Variants in GPATCH2 observed in about 807,000 individuals in gnomAD.
GPATCH2 encodes the protein G-patch domain containing 2, also known as G patch domain-containing protein 2.
A neutral mutation model predicts 58.0 loss-of-function variants in GPATCH2; 51 were observed. The ratio of observed to expected loss-of-function variants is 0.88; its 90% CI spans 0.70 to 1.11. The LOEUF (loss-of-function observed/expected upper bound fraction) is 1.11. Among genes scored for constraint, GPATCH2 ranks in the 50% most tolerant of loss-of-function variants. The probability of loss-of-function intolerance (pLI) is 0.00; values close to 1 mark genes in which losing one functional copy is unlikely to be tolerated. For missense variants in GPATCH2, 625 were observed against 652.2 expected, an observed-to-expected ratio of 0.96 and a Z score of 0.45; for synonymous variants, 222 against 218.5, an observed-to-expected ratio of 1.02 and a Z score of -0.14.
At chr1:217,585,777 C>T (rs1385390446) in intron 5 of GPATCH2, among the ~76,000 whole-genome samples, 1 of 152,098 alleles carries the variant, frequency 6.6e-6, no homozygotes, top group African/African-American at 2.4e-5. Flanking sequence ...CTGAGAAAGG[C>T]ATCGTTAGGC....
At chr1:217,585,019 T>C (rs934167249) in intron 5 of GPATCH2, among the ~76,000 whole-genome samples, 7 of 152,062 alleles carry the variant, frequency 4.6e-5, no homozygotes, top group African/African-American at 9.7e-5. Flanking sequence ...TATGTTAATA[T>C]AATGCATAAT....
At chr1:217,589,270 C>T (rs1434061724) in intron 5 of GPATCH2, among the ~76,000 whole-genome samples, 2 of 151,284 alleles carry the variant, frequency 1.3e-5, no homozygotes, top group Non-Finnish European at 2.9e-5. Context: ...CCCTTTTCTG[C>T]TTCATGCCAT....
At chr1:217,600,201 C>A (rs938744997) in intron 5 of GPATCH2, among the ~76,000 whole-genome samples, 1 of 152,132 alleles carries the variant, frequency 6.6e-6, no homozygotes, top group East Asian at 1.9e-4. Flanking sequence ...CCATTAAGTA[C>A]TGGTCAGTGT....
chr1:217,453,934 C>G (rs1165038109), intron 8 of GPATCH2, among the ~76,000 whole-genome samples: 2 of 152,146 alleles, frequency 1.3e-5, no homozygotes. Flanking sequence ...AACAGACAAA[C>G]AGACGTGACT....
intron 8 of GPATCH2, among the ~76,000 whole-genome samples, chr1:217,473,631 T>C (rs1247610060): frequency 6.6e-6 from 1 of 150,534 alleles, no homozygotes; most frequent in African/African-American, 2.4e-5. Context: ...CAGAAAACAC[T>C]GAAGAAATGG....
chr1:217,513,461 A>G lies in GPATCH2; in HGVS notation c.1166+1361T>C, dbSNP rs1662955917. 4.6e-5 allele frequency among the ~76,000 whole-genome samples: 7 copies of G among 152,278 alleles called. 1 individual carries two copies. In the South Asian group the frequency reaches 1.5e-3, roughly 32 times the overall value. ...GATTTTAAAAAATAGAAACTAATGG[A>G]TCCTAATATGATTGCTTGCCACAAA... On this transcript the variant is annotated intron_variant, in intron 6 of 9. Coordinates refer to ENST00000366935, the MANE Select transcript of GPATCH2 (RefSeq NM_018040.5).
intron 7 of GPATCH2, among the ~76,000 whole-genome samples, chr1:217,493,856 T>G (rs1661871216): frequency 6.6e-6 from 1 of 152,140 alleles, no homozygotes; most frequent in Non-Finnish European, 1.5e-5. Flanking sequence ...GTTAATTATG[T>G]TTTCTAATTC....
At chr1:217,603,376 T>C (rs895242722) in intron 5 of GPATCH2, among the ~76,000 whole-genome samples, 2 of 152,174 alleles carry the variant, frequency 1.3e-5, no homozygotes, top group African/African-American at 2.4e-5. Context: ...GAGAATATAA[T>C]ACACATTAAA....
Position 217,431,356 on chromosome 1 carries a change from C to T in GPATCH2, c.1376G>A (p.Gly459Asp). Residue 459 changes from glycine (G) to aspartate (D), a missense_variant, in exon 10 of 10, where the codon GGT (glycine) becomes GAT (aspartate). Coordinates refer to ENST00000366935, the MANE Select transcript of GPATCH2 (RefSeq NM_018040.5). ...TTCTAGGATTGGCTGGGCATTTTCA[C>T]CTACAAATCCTGAAATGATAAAACA... ...LPGPTTAGFV[G>D]ENAQPILENN... 6.4e-7 allele frequency: 1 copy of T among 1,553,234 alleles called. No individual in the cohort carries two copies. The highest frequency in any genetic ancestry group is 8.9e-7 in the Non-Finnish European group (1 of 1,124,338).
chr1:217,516,246 T>C (rs1663144965), intron 5 of GPATCH2, among the ~76,000 whole-genome samples: 1 of 151,910 alleles, frequency 6.6e-6, no homozygotes, highest in Non-Finnish European at 1.5e-5. Flanking sequence ...AAAAACCCTC[T>C]GTAATTATAG....
In GPATCH2 at chr1:217,578,404, C is replaced by G. The variant is rs546994424; in HGVS notation, c.1098+31917G>C. Among the ~76,000 whole-genome samples the G allele has an allele frequency of 2.0e-5, 3 of 152,182 alleles. No individual in the cohort carries two copies. The South Asian group carries it at 6.2e-4, about 32-fold the overall frequency. On this transcript the variant is annotated intron_variant, in intron 5 of 9. Transcript: ENST00000366935. The stretch of plus-strand genomic sequence containing the variant: ...TAGCTGGGAATACAGGCACATGCCA[C>G]CAGGCCCGACTAATTTTTTAAAATT...
chr1:217,568,887 A>G (rs1235336011), intron 5 of GPATCH2, among the ~76,000 whole-genome samples: 1 of 152,180 alleles, frequency 6.6e-6, no homozygotes, highest in African/African-American at 2.4e-5. Flanking sequence ...CAAAGCCAAT[A>G]GTTTTTGTAA....
chr1:217,515,651 T>C (rs1051455523), intron 5 of GPATCH2, among the ~76,000 whole-genome samples: 82 of 151,976 alleles, frequency 5.4e-4, no homozygotes, highest in African/African-American at 1.8e-3. Flanking sequence ...GAGGCTGCAG[T>C]GGACTGCGAG....
intron 5 of GPATCH2, among the ~76,000 whole-genome samples, chr1:217,597,592 T>C (rs1203818011): frequency 6.6e-6 from 1 of 152,142 alleles, no homozygotes; most frequent in Non-Finnish European, 1.5e-5. Context: ...CATCCAGTCA[T>C]ATATTACAAC....
At chr1:217,601,605 T>C (rs1668111802) in intron 5 of GPATCH2, among the ~76,000 whole-genome samples, 1 of 152,080 alleles carries the variant, frequency 6.6e-6, no homozygotes, top group Admixed American at 6.6e-5. Context: ...CAGGTATGAA[T>C]AATGTTCATT....
At chr1:217,542,694 T>C (rs1664811105) in intron 5 of GPATCH2, among the ~76,000 whole-genome samples, 1 of 152,208 alleles carries the variant, frequency 6.6e-6, no homozygotes, top group Non-Finnish European at 1.5e-5. Flanking sequence ...TTTAAAAATG[T>C]CTCAGCATAA....
intron 8 of GPATCH2, among the ~76,000 whole-genome samples, chr1:217,470,591 T>G (rs558888807): frequency 3.8e-4 from 58 of 152,278 alleles, no homozygotes; most frequent in African/African-American, 1.4e-3. Context: ...CTATGATCAT[T>G]AGTTTAAAAT....
At chr1:217,588,380 T>C (rs1253643449) in intron 5 of GPATCH2, among the ~76,000 whole-genome samples, 1 of 152,218 alleles carries the variant, frequency 6.6e-6, no homozygotes, top group Non-Finnish European at 1.5e-5. Flanking sequence ...ACTGGGAAGC[T>C]ATTTCAATGG....
At chr1:217,630,788 A>C (rs1669715328) in intron 1 of GPATCH2, 128 bp downstream of exon 1, 2 of 660,642 alleles carry the variant, frequency 3.0e-6, no homozygotes, top group Admixed American at 2.8e-5. Context: ...AATGAGTGAG[A>C]GCAAGGCCTA....
Sources: gnomAD v4.1 joint callset for allele counts (sites outside exome capture counted in the v4.1 genomes callset) on GRCh38, gnomAD v4.1.1 for gene constraint, MANE v1.5 for transcripts, NCBI Gene and HGNC (gene_info 2026-07-23, HGNC 2026-07-21) for gene names.